BBS7: variants seen among roughly 807,000 people sequenced by gnomAD.
The protein encoded by BBS7 is Bardet-Biedl syndrome 7.
In BBS7, 50 loss-of-function variants were observed where a neutral mutation model predicts 90.3. The ratio of observed to expected loss-of-function variants is 0.55; its 90% confidence interval spans 0.44 to 0.70. BBS7 has a LOEUF of 0.70. Among genes scored for constraint, BBS7 ranks in the 30% least tolerant of loss-of-function variants. The pLI is 0.00. For missense variants in BBS7, 729 were observed against 838.9 expected (o/e 0.87, Z 1.62); for synonymous variants, 235 against 287.4 (o/e 0.82, Z 1.85).
rs1290192222 is a variant in BBS7 at position 121,870,437 on chromosome 4, C to T, written c.-124G>A. ...CCCCTCAAAAGCCAGCCCCAGCTAC[C>T]GCGCCTAGGTCCTGGGCTGCACAGG... is the stretch of plus-strand genomic sequence containing the variant. On this transcript the variant is annotated 5_prime_UTR_variant, in exon 1 of 19. Transcript: ENST00000264499. 4 of 1,118,936 alleles carry T rather than the reference C, an allele frequency of 3.6e-6. No homozygotes were observed. In the Admixed American group the frequency reaches 5.8e-5, roughly 16 times the overall value. 69.3% of individuals were successfully genotyped at this position (1,118,936 alleles called of 1,614,324 possible).
At chr4:121,857,751 C>A (rs1400121815) in intron 5 of BBS7, among the ~76,000 whole-genome samples, 1 of 151,702 alleles carries the variant, frequency 6.6e-6, no homozygotes, top group Non-Finnish European at 1.5e-5. Context: ...TATTTAAAAG[C>A]ATAGGCTATG....
At chr4:121,858,855 C>G in intron 5 of BBS7, 137 bp downstream of exon 5, 2 of 807,570 alleles carry the variant, frequency 2.5e-6, no homozygotes, top group Non-Finnish European at 3.8e-6. Flanking sequence ...ATTAATATGT[C>G]AAATTATTTA....
chr4:121,865,763 T>C (rs1313664645), intron 2 of BBS7, among the ~76,000 whole-genome samples: 1 of 152,236 alleles, frequency 6.6e-6, no homozygotes, highest in Non-Finnish European at 1.5e-5. Flanking sequence ...ATGGTCGCCC[T>C]ATTTGTAGTT....
At chr4:121,846,871 G>A (rs1051542433) in intron 10 of BBS7, among the ~76,000 whole-genome samples, 3 of 152,142 alleles carry the variant, frequency 2.0e-5, no homozygotes, top group East Asian at 1.9e-4. Flanking sequence ...CCACGTCTTC[G>A]TTGTATGAAG....
intron 6 of BBS7, among the ~76,000 whole-genome samples, chr4:121,855,274 C>T (rs567022125): frequency 4.6e-5 from 7 of 152,176 alleles, no homozygotes; most frequent in African/African-American, 1.4e-4. Flanking sequence ...TACCACTGCA[C>T]GCCAGCCTGG....
intron 15 of BBS7, among the ~76,000 whole-genome samples, chr4:121,832,874 C>A (rs1399864148): frequency 1.3e-5 from 2 of 151,578 alleles, no homozygotes; most frequent in Non-Finnish European, 2.9e-5. Flanking sequence ...TCAATAAAAT[C>A]TTACAGTTTT....
intron 1 of BBS7, 136 bp downstream of exon 1, chr4:121,870,142 G>A (rs1015331636): frequency 9.5e-7 from 1 of 1,053,028 alleles, no homozygotes; most frequent in Admixed American, 1.8e-5. Flanking sequence ...GGGGTGCTGA[G>A]AGGTCGGCAC....
rs1345756189 is a variant in BBS7, at chr4:121,824,403, CATA to C, written c.*1454_*1456del. 1 of 152,170 alleles carries C rather than the reference CATA, an allele frequency of 6.6e-6. No homozygotes were observed. The highest frequency in any genetic ancestry group is 1.5e-5 in the Non-Finnish European group (1 of 68,034). The allele number at this position is 152,170 out of a possible 1,614,324, so 9.4% of individuals were successfully genotyped here. A position where few individuals can be genotyped will look rare whatever the true frequency, so the allele number is the denominator to read the frequency against. ...CATAAATTATTTAACACGGAGCTCACATAGTAATACAGTACTCAAGTGTCAAGA... is the reference window on the plus strand; with the variant it reads ...CATAAATTATTTAACACGGAGCTCACGTAATACAGTACTCAAGTGTCAAGA... On this transcript the variant is annotated 3_prime_UTR_variant, in exon 19 of 19. Coordinates refer to ENST00000264499, the MANE Select transcript of BBS7 (RefSeq NM_176824.3). The surrounding 1 kb of genome is among the most constrained non-coding windows in gnomAD (Gnocchi z 4.1).
chr4:121,827,108 C>A (rs780780031), intron 18 of BBS7, among the ~76,000 whole-genome samples: 1 of 152,098 alleles, frequency 6.6e-6, no homozygotes, highest in East Asian at 1.9e-4. Flanking sequence ...ATGAAAAAAA[C>A]TTTGGTTTAC....
intron 18 of BBS7, among the ~76,000 whole-genome samples, chr4:121,827,036 TAA>T (rs1160280229): frequency 6.6e-6 from 1 of 152,160 alleles, no homozygotes; most frequent in Non-Finnish European, 1.5e-5. Context: ...CATGTCAGTT[TAA>T]GTCAGATTTT....
chr4:121,870,405 G>T lies in BBS7; in HGVS notation c.-92C>A, dbSNP rs1003742983. On this transcript the variant is annotated 5_prime_UTR_variant, in exon 1 of 19. Transcript: ENST00000264499. ...AGGCCTCCGACCCAGTCAGAAGGCT[G>T]CCCGCGCCCCTCAAAAGCCAGCCCC... The T allele has an allele frequency of 1.3e-5, 19 of 1,487,076 alleles. No individual in the cohort carries two copies. The African/African-American group carries it at 2.6e-4, about 21-fold the overall frequency. The allele number at this position is 1,487,076 out of a possible 1,614,324, so 92.1% of individuals were successfully genotyped here. A position where few individuals can be genotyped will look rare whatever the true frequency, so the allele number is the denominator to read the frequency against.
intron 2 of BBS7, 75 bp from the exon 3 acceptor site, chr4:121,863,354 A>C (rs1436625837): frequency 4.7e-6 from 6 of 1,285,944 alleles, no homozygotes; most frequent in Non-Finnish European, 5.6e-6. Context: ...AGGGAAAGCA[A>C]GATTCTTAAT....
Position 121,853,086 on chromosome 4 carries a change from C to T in BBS7, c.719G>A (p.Gly240Asp), listed in dbSNP as rs761403504. 2 of 1,612,572 alleles carry T rather than the reference C, an allele frequency of 1.2e-6. No homozygotes were observed. The highest frequency in any genetic ancestry group is 2.7e-5 in the African/African-American group (2 of 74,808). ...GTCAAAGCTGTCAATACACAAAATA[C>T]CTTTAAAAAGAGATATGTGATAAGT... is the stretch of plus-strand genomic sequence containing the variant. ...WEIQNEKKRG[G>D]ILCIDSFDIV... Residue 240 changes from glycine (G) to aspartate (D), a missense_variant and splice_region_variant, in exon 8 of 19, where the codon GGT becomes GAT. Transcript: ENST00000264499.
At chr4:121,867,118 T>C (rs897926425) in intron 2 of BBS7, among the ~76,000 whole-genome samples, 14 of 152,210 alleles carry the variant, frequency 9.2e-5, no homozygotes, top group African/African-American at 2.9e-4. Flanking sequence ...CAGTGTTTTA[T>C]AGTTTTTTTT....
intron 5 of BBS7, among the ~76,000 whole-genome samples, chr4:121,856,200 C>G (rs1430262240): frequency 6.6e-6 from 1 of 152,128 alleles, no homozygotes. Flanking sequence ...AAATTTTGGC[C>G]TTGCCTTTGG....
At position 121,855,829 on chromosome 4, in the gene BBS7, T is replaced by C. The variant is rs761848569; in HGVS notation, c.529-268A>G. Among the ~76,000 whole-genome samples, 14 of 151,998 alleles carry C rather than the reference T, an allele frequency of 9.2e-5. No individual in the cohort carries two copies. In the East Asian group the frequency reaches 1.5e-3, roughly 17 times the overall value. On this transcript the variant is annotated intron_variant, in intron 5 of 18. Transcript: ENST00000264499. ...ATATGTACACACATGTATACATATA[T>C]ACACATATGTATACATATATGCACA...
intron 18 of BBS7, 43 bp downstream of exon 18, chr4:121,828,103 T>C: frequency 2.5e-6 from 4 of 1,610,302 alleles, no homozygotes; most frequent in Non-Finnish European, 3.4e-6. Flanking sequence ...AAATAGCCAG[T>C]TGAAAAGAAA....
rs1725019184 is a variant in BBS7, at chr4:121,828,596, AATT to A, written c.1786+20_1786+22del. On this transcript the variant is annotated intron_variant, in intron 16 of 18. Transcript: ENST00000264499. ...ACAACACAAAATAAACATCAGAAAG[AATT>A]ATTAATTTTGTTTGTTTACCGTATG... The A allele has an allele frequency of 1.9e-6, 3 of 1,559,582 alleles. No individual in the cohort carries two copies. Among genetic ancestry groups the A allele is most frequent in the East Asian group, 4.5e-5 (2 of 44,520 alleles).
chr4:121,831,454 G>C, intron 15 of BBS7, among the ~76,000 whole-genome samples: 1 of 150,270 alleles, frequency 6.7e-6, no homozygotes, highest in East Asian at 2.0e-4. Context: ...AACACAGTGA[G>C]ACTCTCTTAA....
Sources: gnomAD v4.1 joint callset for allele counts (sites outside exome capture counted in the v4.1 genomes callset) on GRCh38, gnomAD v4.1.1 for gene constraint, Gnocchi (gnomAD v3.1) non-coding constraint, MANE v1.5 for transcripts, NCBI Gene and HGNC (gene_info 2026-07-23, HGNC 2026-07-21) for gene names.